Variants in WAPL observed in about 807,000 individuals in gnomAD.
WAPL encodes the protein WAPL cohesin release factor.
Under a neutral mutation model 121.0 loss-of-function variants are expected in WAPL, and 5 were observed. The observed-to-expected ratio is 0.04, with a 90% CI of 0.02 to 0.09. WAPL has a LOEUF of 0.09. WAPL is among the 10% of genes least tolerant of loss of function. The probability of loss-of-function intolerance (pLI) is 1.00; values close to 1 mark genes in which losing one functional copy is unlikely to be tolerated. For missense variants in WAPL, 999 were observed against 1,410.8 expected, an observed-to-expected ratio of 0.71 and a Z score of 4.68; for synonymous variants, 480 against 481.5, an observed-to-expected ratio of 1.00 and a Z score of 0.04.
intron 4 of WAPL, among the ~76,000 whole-genome samples, chr10:86,490,722 T>C (rs1842028405): frequency 6.6e-6 from 1 of 152,212 alleles, no homozygotes; most frequent in Non-Finnish European, 1.5e-5. Context: ...AATTTTGATA[T>C]ATATGTATGC....
chr10:86,504,934 G>GA (rs766096976), intron 2 of WAPL, among the ~76,000 whole-genome samples: 5 of 151,846 alleles, frequency 3.3e-5, no homozygotes, highest in Non-Finnish European at 7.4e-5. Flanking sequence ...TAAACTAACT[G>GA]AAAAAAGCCC....
rs758783547 is a variant in WAPL, at chr10:86,453,222, G to A, written c.2947C>T (p.Leu983=). The change falls in exon 14 of 19, where the codon CTG becomes TTG. Residue 983 remains leucine (L), a splice_region_variant and synonymous_variant. Transcript: ENST00000298767. ...CTGAAAAAGTCATTTCAACTTACCA[G>A]CACTCGAATATCAAATCTCTGCTCC... The part of the protein sequence containing the change: ...PQEQRFDIRV[L]GLGLLINLVE... 1 of 1,613,678 alleles carries A rather than the reference G, an allele frequency of 6.2e-7. No individual in the cohort carries two copies.
At chr10:86,454,844 C>T (rs1016143698) in intron 12 of WAPL, among the ~76,000 whole-genome samples, 1 of 150,244 alleles carries the variant, frequency 6.7e-6, no homozygotes. Flanking sequence ...TCTGCCCGGC[C>T]GCGACCCCGT....
chr10:86,493,804 C>T (rs1391166213), intron 4 of WAPL, among the ~76,000 whole-genome samples: 1 of 152,046 alleles, frequency 6.6e-6, no homozygotes, highest in African/African-American at 2.4e-5. Context: ...GAGTTCGACA[C>T]CAGCCTGGCC....
At chr10:86,480,784 G>C (rs1301282189) in intron 4 of WAPL, among the ~76,000 whole-genome samples, 3 of 152,030 alleles carry the variant, frequency 2.0e-5, no homozygotes, top group Non-Finnish European at 4.4e-5. Context: ...GAAGTGTGAA[G>C]AGAAGTGAGG....
At chr10:86,516,936 A>C (rs183146086) in intron 2 of WAPL, among the ~76,000 whole-genome samples, 23 of 152,218 alleles carry the variant, frequency 1.5e-4, no homozygotes, top group Admixed American at 9.8e-4. Flanking sequence ...TACAAAAATT[A>C]GCCAGGCGTG....
chr10:86,513,710 T>A (rs1441410730), intron 2 of WAPL, among the ~76,000 whole-genome samples: 1 of 152,326 alleles, frequency 6.6e-6, no homozygotes, highest in East Asian at 1.9e-4. Flanking sequence ...GAGAAAGAGA[T>A]GCACTTAAAA....
chr10:86,479,200 C>G (rs1841727386), intron 4 of WAPL, among the ~76,000 whole-genome samples: 1 of 152,140 alleles, frequency 6.6e-6, no homozygotes, highest in Non-Finnish European at 1.5e-5. Flanking sequence ...CATGTTATCC[C>G]CCACTGGGCT....
At chr10:86,478,585 CT>C (rs144072785) in intron 4 of WAPL, among the ~76,000 whole-genome samples, 8,523 of 152,104 alleles carry the variant, frequency 0.056, 260 homozygotes, top group African/African-American at 0.072. Flanking sequence ...ATATATTATT[CT>C]TTTGTATTCA....
chr10:86,512,066 C>T lies in WAPL; in HGVS notation c.499+5505G>A, dbSNP rs574143802. On this transcript the variant is annotated intron_variant, in intron 2 of 18. Transcript: ENST00000298767. ...GCAGGTAACTCTTGCTGATACTATC[C>T]TTTCAGGACTTAAAAAATAATAATA... Among the ~76,000 whole-genome samples the T allele has an allele frequency of 1.1e-3, 161 of 152,296 alleles. 1 individual carries two copies. The highest frequency in any genetic ancestry group is 3.7e-3 in the African/African-American group (152 of 41,582).
At chr10:86,477,925 G>A (rs542313644) in intron 4 of WAPL, among the ~76,000 whole-genome samples, 1 of 151,742 alleles carries the variant, frequency 6.6e-6, no homozygotes, top group South Asian at 2.1e-4. Flanking sequence ...CATGGTGGTA[G>A]GTGCCTGTAA....
chr10:86,437,741 G>A, intron 18 of WAPL, 133 bp from the exon 19 acceptor site: 1 of 1,081,914 alleles, frequency 9.2e-7, no homozygotes, highest in Middle Eastern at 2.2e-4. Context: ...TTAAATTGTG[G>A]GTTTGATAAA....
intron 4 of WAPL, among the ~76,000 whole-genome samples, chr10:86,475,899 G>A (rs1273183511): frequency 2.6e-5 from 4 of 152,182 alleles, no homozygotes; most frequent in African/African-American, 9.7e-5. Flanking sequence ...GCATTGATTG[G>A]GCTAGGCACA....
intron 4 of WAPL, among the ~76,000 whole-genome samples, chr10:86,489,901 G>A (rs201863978): frequency 0.13 from 10,819 of 86,272 alleles, 453 homozygotes; most frequent in Middle Eastern, 0.23. Context: ...AAAAAAAAAA[G>A]GCTACTACGT....
chr10:86,490,528 T>C (rs1370104418), intron 4 of WAPL, among the ~76,000 whole-genome samples: 1 of 151,938 alleles, frequency 6.6e-6, no homozygotes, highest in Non-Finnish European at 1.5e-5. Context: ...AGAACACAAA[T>C]AGGTACAAAT....
At chr10:86,489,041 C>T (rs901085546) in intron 4 of WAPL, among the ~76,000 whole-genome samples, 2 of 152,206 alleles carry the variant, frequency 1.3e-5, no homozygotes, top group African/African-American at 4.8e-5. Context: ...ATGGCATCTC[C>T]TCTGTATTGC....
At chr10:86,487,789 G>C (rs780849841) in intron 4 of WAPL, among the ~76,000 whole-genome samples, 60 of 152,182 alleles carry the variant, frequency 3.9e-4, no homozygotes, top group Non-Finnish European at 7.1e-4. Context: ...CAGCTACTTG[G>C]GAGGCTGAGG....
intron 12 of WAPL, among the ~76,000 whole-genome samples, chr10:86,455,020 T>G (rs1841102533): frequency 6.9e-6 from 1 of 144,872 alleles, no homozygotes; most frequent in Non-Finnish European, 1.5e-5. Flanking sequence ...GTCCGGGAGG[T>G]GGGGGGCAGC....
chr10:86,493,592 T>A (rs1436604871), intron 4 of WAPL, among the ~76,000 whole-genome samples: 1 of 152,154 alleles, frequency 6.6e-6, no homozygotes, highest in Non-Finnish European at 1.5e-5. Context: ...TGAAGTGATG[T>A]GATCATAGCT....
Sources: allele counts gnomAD v4.1 joint callset (sites outside exome capture counted in the v4.1 genomes callset), GRCh38; gene constraint gnomAD v4.1.1; transcripts MANE v1.5; gene names NCBI Gene and HGNC (gene_info 2026-07-23, HGNC 2026-07-21).